Variants in SAMD4B observed in about 807,000 individuals in gnomAD.
The protein encoded by SAMD4B is sterile alpha motif domain containing 4B, also known as protein Smaug homolog 2.
SAMD4B carries 5 observed loss-of-function variants against 74.5 expected under a neutral mutation model. The ratio of observed to expected loss-of-function variants is 0.07; its 90% CI spans 0.04 to 0.14. SAMD4B has a LOEUF of 0.14. Ranked by LOEUF, SAMD4B falls within the 10% of genes least tolerant of loss-of-function variation. The pLI is 1.00. For missense variants in SAMD4B, 608 were observed against 921.8 expected (o/e 0.66, Z 4.41); for synonymous variants, 373 against 374.9 (o/e 1.00, Z 0.06).
chr19:39,383,719 G>A lies in SAMD4B; in HGVS notation c.*192G>A, dbSNP rs900257381. 3 of 1,536,916 alleles carry A rather than the reference G, an allele frequency of 2.0e-6. No individual in the cohort carries two copies. Among genetic ancestry groups the A allele is most frequent in the Non-Finnish European group, 2.6e-6 (3 of 1,147,024 alleles). ...TTGCTCACTCCCAGGCCCGTCGAGG[G>A]ATCTCTGCTGAGGCCCGGGGAGTTG... On this transcript the variant is annotated 3_prime_UTR_variant, in exon 14 of 14. Transcript: ENST00000610417. This position sits in a 1 kb window ranked among gnomAD's most constrained non-coding sequence, Gnocchi z 4.1.
At chr19:39,382,860 C>A (rs2078083695) in intron 12 of SAMD4B, among the ~76,000 whole-genome samples, 1 of 152,164 alleles carries the variant, frequency 6.6e-6, no homozygotes, top group Non-Finnish European at 1.5e-5. Flanking sequence ...GCCTTGGGGG[C>A]TGCCCAGTGT....
In SAMD4B at chr19:39,383,734, C is replaced by T. The variant is rs1334875447; in HGVS notation, c.*207C>T. On this transcript the variant is annotated 3_prime_UTR_variant, in exon 14 of 14. Transcript: ENST00000610417. The surrounding 1 kb of genome is among the most constrained non-coding windows in gnomAD (Gnocchi z 4.1). ...CCCGTCGAGGGATCTCTGCTGAGGC[C>T]CGGGGAGTTGGGGGCAGCCAGGATA... 1 of 1,534,682 alleles carries T rather than the reference C, an allele frequency of 6.5e-7. No individual in the cohort carries two copies. The highest frequency in any genetic ancestry group is 8.7e-7 in the Non-Finnish European group (1 of 1,145,696).
intron 1 of SAMD4B, among the ~76,000 whole-genome samples, chr19:39,346,048 A>C (rs1254199112): frequency 6.6e-6 from 1 of 151,960 alleles, no homozygotes; most frequent in Non-Finnish European, 1.5e-5. Context: ...CTAAGTCTGG[A>C]GCCTCCACAG....
intron 12 of SAMD4B, 192 bp downstream of exon 12, chr19:39,381,305 G>C: frequency 1.7e-6 from 1 of 605,796 alleles, no homozygotes; most frequent in East Asian, 3.1e-5. Context: ...TTATCTCTCA[G>C]GTCTTGCCCC....
chr19:39,353,109 C>G (rs2076146189), intron 1 of SAMD4B, among the ~76,000 whole-genome samples: 1 of 152,132 alleles, frequency 6.6e-6, no homozygotes, highest in African/African-American at 2.4e-5. Context: ...TATGTTGAAG[C>G]AGCTGCTGCC....
At chr19:39,389,684 G>A (rs1200017579), downstream of SAMD4B, 1 of 1,614,122 alleles carries the variant, frequency 6.2e-7, no homozygotes. This position sits in a 1 kb window ranked among gnomAD's most constrained non-coding sequence, Gnocchi z 5.3. Flanking sequence ...GAGATCGATG[G>A]TGACCCCCAG....
intron 1 of SAMD4B, chr19:39,349,919 T>C (rs1201687905): frequency 2.0e-5 from 3 of 152,220 alleles, no homozygotes; most frequent in Non-Finnish European, 2.9e-5. Flanking sequence ...CTTGCATTGT[T>C]AAGAGCAAGC....
chr19:39,371,765 C>T (rs568363174), intron 4 of SAMD4B, among the ~76,000 whole-genome samples: 2 of 151,194 alleles, frequency 1.3e-5, no homozygotes, highest in South Asian at 2.1e-4. Flanking sequence ...GGCAGTGAGC[C>T]GAGATCTTGC....
At position 39,378,549 on chromosome 19, in the gene SAMD4B, C is replaced by A; in HGVS notation, c.1490C>A (p.Thr497Asn). The change falls in exon 9 of 14, where the codon ACC (threonine) becomes AAC (asparagine). Residue 497 changes from threonine to asparagine, a missense_variant. Physicochemically the swap from Thr to Asn is moderately conservative, Grantham distance 65. Around this residue, in one of 9 missense-constraint regions of SAMD4B, gnomAD observed 27 missense variants for 48.6 expected, o/e 0.56. Coordinates refer to ENST00000610417, the MANE Select transcript of SAMD4B (RefSeq NM_001384574.2). The surrounding 1 kb of genome is among the most constrained non-coding windows in gnomAD (Gnocchi z 4.4). ...LVSRPDEENI[T>N]SYLQLIEKCL... Reference sequence around the variant, plus strand: ...TCCCGACCAGACGAGGAGAACATCACCAGTTACCTCCAGCTCATCGAAAAG... The same window carrying A: ...TCCCGACCAGACGAGGAGAACATCAACAGTTACCTCCAGCTCATCGAAAAG... The A allele has an allele frequency of 6.2e-7, 1 of 1,614,024 alleles. No individual in the cohort carries two copies. Among genetic ancestry groups the A allele is most frequent in the Non-Finnish European group, 8.5e-7 (1 of 1,179,966 alleles).
downstream of SAMD4B, chr19:39,386,474 A>C (rs769686280): frequency 6.2e-7 from 1 of 1,614,094 alleles, no homozygotes; most frequent in Non-Finnish European, 8.5e-7. The surrounding 1 kb of genome is among the most constrained non-coding windows in gnomAD (Gnocchi z 6.1). Flanking sequence ...TGGCCTGTCC[A>C]GATTTACCTG....
Position 39,383,911 on chromosome 19 carries a change from G to C in SAMD4B, c.*384G>C, listed in dbSNP as rs1416654253. 2 of 587,912 alleles carry C rather than the reference G, an allele frequency of 3.4e-6. No homozygotes were observed. Among genetic ancestry groups the C allele is most frequent in the Non-Finnish European group, 6.0e-6 (2 of 331,180 alleles). The allele number at this position is 587,912 out of a possible 1,614,324, so 36.4% of individuals were successfully genotyped here. On this transcript the variant is annotated 3_prime_UTR_variant, in exon 14 of 14. Transcript: ENST00000610417. The surrounding 1 kb of genome is among the most constrained non-coding windows in gnomAD (Gnocchi z 4.1). ...CCAGAGACAAACTGACCACTACCTT[G>C]TGGAGCCTGCTCAGAAACATTTGAC...
At chr19:39,382,524 T>C (rs948730527) in intron 12 of SAMD4B, among the ~76,000 whole-genome samples, 1 of 151,246 alleles carries the variant, frequency 6.6e-6, no homozygotes, top group African/African-American at 2.4e-5. Flanking sequence ...GAGATGAGGG[T>C]GGAGATGGGA....
intron 4 of SAMD4B, among the ~76,000 whole-genome samples, chr19:39,372,204 G>A (rs1338425347): frequency 1.3e-5 from 2 of 152,172 alleles, no homozygotes; most frequent in Non-Finnish European, 2.9e-5. Flanking sequence ...GATAATTAGA[G>A]GGGACAGTAT....
chr19:39,363,232 C>T lies in SAMD4B; in HGVS notation c.196+6143C>T, dbSNP rs549175653. 7.2e-5 allele frequency among the ~76,000 whole-genome samples: 11 copies of T among 152,296 alleles called. No homozygotes were observed. In the South Asian group the frequency reaches 1.7e-3, roughly 23 times the overall value. ...ACTATAGCCAGGGAGGACATTTATA[C>T]GCACAGCATTCCTCAACCTCTCCAT... On this transcript the variant is annotated intron_variant, in intron 3 of 13. Coordinates refer to ENST00000610417, the MANE Select transcript of SAMD4B (RefSeq NM_001384574.2).
downstream of SAMD4B, chr19:39,389,438 C>A: frequency 1.2e-6 from 2 of 1,609,494 alleles, no homozygotes; most frequent in Non-Finnish European, 1.7e-6. The surrounding 1 kb of genome is among the most constrained non-coding windows in gnomAD (Gnocchi z 5.3). Context: ...CTTGTAGGGC[C>A]CACCTGAGCC....
At chr19:39,390,053 C>T, downstream of SAMD4B, 8 of 1,599,570 alleles carry the variant, frequency 5.0e-6, no homozygotes, top group Non-Finnish European at 6.9e-6. Flanking sequence ...GTAGTTTTCC[C>T]ATTCCTTAGT....
At chr19:39,377,932 C>T in intron 8 of SAMD4B, 108 bp downstream of exon 8, 3 of 1,084,312 alleles carry the variant, frequency 2.8e-6, no homozygotes, top group South Asian at 1.6e-5. Flanking sequence ...CTTTGTAAAG[C>T]CTACTGGAGA....
chr19:39,386,080 A>AG, downstream of SAMD4B: 1 of 1,613,926 alleles, frequency 6.2e-7, no homozygotes, highest in Non-Finnish European at 8.5e-7. The surrounding 1 kb of genome is among the most constrained non-coding windows in gnomAD (Gnocchi z 6.1). Flanking sequence ...CCACTGGGGA[A>AG]GGGACTGGCG....
chr19:39,383,656 C>A lies in SAMD4B; in HGVS notation c.*129C>A, dbSNP rs2078140003. On this transcript the variant is annotated 3_prime_UTR_variant, in exon 14 of 14. Transcript: ENST00000610417. The surrounding 1 kb of genome is among the most constrained non-coding windows in gnomAD (Gnocchi z 4.1). ...ATATATTCTAATATTTTTCTACTCT[C>A]TTACCCTCTTAACTTTTGTTTAACA... The A allele has an allele frequency of 6.3e-7, 1 of 1,588,750 alleles. No homozygotes were observed. Among genetic ancestry groups the A allele is most frequent in the African/African-American group, 1.4e-5 (1 of 73,992 alleles).
Sources: gnomAD v4.1 joint callset for allele counts (sites outside exome capture counted in the v4.1 genomes callset) on GRCh38, gnomAD v4.1.1 for gene constraint, gnomAD v4.1.1 regional missense constraint, Gnocchi (gnomAD v3.1) non-coding constraint, MANE v1.5 for transcripts, NCBI Gene and HGNC (gene_info 2026-07-23, HGNC 2026-07-21) for gene names.